Variants in CADM2 observed in about 807,000 individuals in gnomAD.
CADM2 encodes immunoglobulin superfamily member 4D.
Under a neutral mutation model 49.8 loss-of-function variants are expected in CADM2, and 12 were observed. The observed-to-expected ratio is 0.24, with a 90% CI of 0.15 to 0.39. The LOEUF (loss-of-function observed/expected upper bound fraction) is 0.39. Among genes scored for constraint, CADM2 ranks in the 10% least tolerant of loss-of-function variants. The probability of loss-of-function intolerance (pLI) is 1.00; values close to 1 mark genes in which losing one functional copy is unlikely to be tolerated. For synonymous variants in CADM2, 214 were observed against 175.4 expected, an observed-to-expected ratio of 1.22 and a Z score of -1.74; for missense variants, 378 against 492.3, an observed-to-expected ratio of 0.77 and a Z score of 2.20.
intron 1 of CADM2, among the ~76,000 whole-genome samples, chr3:85,382,880 C>G (rs530162181): frequency 6.6e-6 from 1 of 152,090 alleles, no homozygotes; most frequent in South Asian, 2.1e-4. Flanking sequence ...AATAAAACTG[C>G]CAACACTTAC....
chr3:85,048,072 AC>A (rs2035735824), intron 1 of CADM2, among the ~76,000 whole-genome samples: 1 of 152,110 alleles, frequency 6.6e-6, no homozygotes, highest in Non-Finnish European at 1.5e-5. Flanking sequence ...AGCTCCAAAT[AC>A]TTTTTTTTCA....
rs536217658 is a variant in CADM2, at chr3:85,507,031, A to T, written c.62-219491A>T. Among the ~76,000 whole-genome samples, 66 of 152,294 alleles carry T rather than the reference A, an allele frequency of 4.3e-4. 1 individual carries two copies. The highest frequency in any genetic ancestry group is 1.4e-3 in the African/African-American group (58 of 41,574). On this transcript the variant is annotated intron_variant, in intron 1 of 9. Transcript: ENST00000383699. ...AAAACATTAATTATGATAGTAAAAT[A>T]AATGTATGAAGGTAACCAGGAGAAT...
intron 3 of CADM2, chr3:85,805,480 A>C (rs1057513038): frequency 1.3e-5 from 2 of 152,044 alleles, no homozygotes; most frequent in Non-Finnish European, 2.9e-5. Flanking sequence ...CAGTGCTTCA[A>C]TTTCCTTCTT....
At chr3:85,311,155 T>A (rs1278667919) in intron 1 of CADM2, among the ~76,000 whole-genome samples, 1 of 152,060 alleles carries the variant, frequency 6.6e-6, no homozygotes, top group Non-Finnish European at 1.5e-5. Context: ...CCACAAATCA[T>A]GTTTATTAAT....
At chr3:85,605,960 A>G (rs1408512839) in intron 1 of CADM2, among the ~76,000 whole-genome samples, 1 of 152,108 alleles carries the variant, frequency 6.6e-6, no homozygotes, top group African/African-American at 2.4e-5. Context: ...GAAGACGTGA[A>G]TAAGAAAGTT....
intron 1 of CADM2, among the ~76,000 whole-genome samples, chr3:85,400,211 T>G (rs1576484825): frequency 6.6e-6 from 1 of 152,192 alleles, no homozygotes; most frequent in Non-Finnish European, 1.5e-5. Context: ...GATAATCATG[T>G]GGTTTTTGTC....
intron 1 of CADM2, among the ~76,000 whole-genome samples, chr3:85,699,613 A>G (rs1217683591): frequency 6.6e-6 from 1 of 152,196 alleles, no homozygotes. Context: ...CTTTGAGCCA[A>G]AGCTGAAGCT....
At chr3:85,139,422 A>T (rs2039512083) in intron 1 of CADM2, among the ~76,000 whole-genome samples, 1 of 152,138 alleles carries the variant, frequency 6.6e-6, no homozygotes, top group Non-Finnish European at 1.5e-5. Context: ...TTGTTCTTTT[A>T]CATTAATCAA....
chr3:85,370,080 G>C (rs1227714060), intron 1 of CADM2, among the ~76,000 whole-genome samples: 1 of 151,732 alleles, frequency 6.6e-6, no homozygotes. Context: ...GAGAATAGTG[G>C]CAAGTGCCTG....
At chr3:86,017,676 C>A (rs143217263) in intron 8 of CADM2, among the ~76,000 whole-genome samples, 1 of 149,806 alleles carries the variant, frequency 6.7e-6, no homozygotes, top group African/African-American at 2.5e-5. Flanking sequence ...TGCAGTAAGC[C>A]GAGACTGTGC....
At chr3:86,031,573 A>C (rs939301663) in intron 8 of CADM2, among the ~76,000 whole-genome samples, 1 of 151,856 alleles carries the variant, frequency 6.6e-6, no homozygotes, top group Non-Finnish European at 1.5e-5. Context: ...AATGTCAGTT[A>C]ATAAAACTAC....
chr3:85,190,144 T>C (rs2041173504), intron 1 of CADM2, among the ~76,000 whole-genome samples: 2 of 152,052 alleles, frequency 1.3e-5, no homozygotes, highest in South Asian at 4.2e-4. Context: ...ATCCTAGGTC[T>C]AGACCACACT....
chr3:85,150,313 T>C (rs2039882142), intron 1 of CADM2, among the ~76,000 whole-genome samples: 1 of 152,094 alleles, frequency 6.6e-6, no homozygotes, highest in Non-Finnish European at 1.5e-5. Context: ...AATTCCAGAG[T>C]GTATGGTCTT....
intron 1 of CADM2, among the ~76,000 whole-genome samples, chr3:85,610,728 A>T (rs1374066303): frequency 6.6e-6 from 1 of 152,008 alleles, no homozygotes; most frequent in Non-Finnish European, 1.5e-5. Flanking sequence ...TGTTAAGTAC[A>T]ACTTTAAATT....
intron 1 of CADM2, among the ~76,000 whole-genome samples, chr3:84,961,867 A>G (rs976853551): frequency 6.6e-6 from 1 of 152,036 alleles, no homozygotes; most frequent in Non-Finnish European, 1.5e-5. Flanking sequence ...TCTTCCTTCA[A>G]CATTTCCCTG....
At position 85,300,701 on chromosome 3, in the gene CADM2, G is replaced by A. The variant is rs568768627; in HGVS notation, c.61+341033G>A. 2.4e-4 allele frequency among the ~76,000 whole-genome samples: 36 copies of A among 152,154 alleles called. No homozygotes were observed. In the South Asian group the frequency reaches 5.4e-3, roughly 23 times the overall value. On this transcript the variant is annotated intron_variant, in intron 1 of 9. Transcript: ENST00000383699. ...CAAAAACAGTGCGTGCATATGGCAC[G>A]TTCATATCTGTACAATAAAACAGAA...
intron 1 of CADM2, among the ~76,000 whole-genome samples, chr3:85,494,731 G>T (rs2039816942): frequency 6.6e-6 from 1 of 152,152 alleles, no homozygotes; most frequent in South Asian, 2.1e-4. Context: ...TAATTGTGCT[G>T]TGTGTGTGCT....
At chr3:85,407,469 CT>C (rs1241434442) in intron 1 of CADM2, among the ~76,000 whole-genome samples, 6 of 152,144 alleles carry the variant, frequency 3.9e-5, no homozygotes, top group Admixed American at 3.9e-4. Flanking sequence ...AAATATCCCC[CT>C]AACCTCTCAC....
intron 1 of CADM2, among the ~76,000 whole-genome samples, chr3:85,012,252 T>C (rs1239187659): frequency 6.6e-6 from 1 of 151,496 alleles, no homozygotes; most frequent in African/African-American, 2.4e-5. Flanking sequence ...TAATGGTGTA[T>C]CTCATGCAGT....
Sources: gnomAD v4.1 joint callset for allele counts (sites outside exome capture counted in the v4.1 genomes callset) on GRCh38, gnomAD v4.1.1 for gene constraint, MANE v1.5 for transcripts, NCBI Gene and HGNC (gene_info 2026-07-23, HGNC 2026-07-21) for gene names.